Variants in CPQ observed in about 807,000 individuals in gnomAD.
CPQ encodes carboxypeptidase Q.
CPQ carries 37 observed loss-of-function variants against 45.7 expected under a neutral mutation model. The ratio of observed to expected loss-of-function variants is 0.81; its 90% CI spans 0.62 to 1.07. The LOEUF (loss-of-function observed/expected upper bound fraction) is 1.07, where lower values mean the gene tolerates loss of function less well. CPQ is among the 50% of genes least tolerant of loss of function. CPQ has a pLI of 0.00. For missense variants in CPQ, 537 were observed against 572.9 expected (o/e 0.94, Z 0.64); for synonymous variants, 186 against 205.8 (o/e 0.90, Z 0.82).
At chr8:96,875,379 C>T (rs1213156209) in intron 3 of CPQ, among the ~76,000 whole-genome samples, 2 of 151,750 alleles carry the variant, frequency 1.3e-5, no homozygotes, top group African/African-American at 4.8e-5. Flanking sequence ...TTGGTGTTGT[C>T]TCTAAGAAAC....
At chr8:97,098,157 C>T (rs992407858) in intron 7 of CPQ, among the ~76,000 whole-genome samples, 2 of 152,170 alleles carry the variant, frequency 1.3e-5, no homozygotes, top group Non-Finnish European at 2.9e-5. Flanking sequence ...ATGCAGTCTT[C>T]CCAACTTTAC....
chr8:96,727,033 A>G (rs1809852605), intron 1 of CPQ, among the ~76,000 whole-genome samples: 1 of 152,166 alleles, frequency 6.6e-6, no homozygotes, highest in Non-Finnish European at 1.5e-5. Context: ...TTGATGGGAA[A>G]TTGGGTTATT....
At chr8:96,810,646 G>A (rs190591652) in intron 2 of CPQ, among the ~76,000 whole-genome samples, 81 of 152,278 alleles carry the variant, frequency 5.3e-4, no homozygotes, top group African/African-American at 1.9e-3. Flanking sequence ...ATATAGCAAT[G>A]TAAACCAAAC....
In CPQ at chr8:96,720,133, A is replaced by G. The variant is rs556653591; in HGVS notation, c.-34-64731A>G. Among the ~76,000 whole-genome samples, 21 of 152,350 alleles carry G rather than the reference A, an allele frequency of 1.4e-4. No individual in the cohort carries two copies. The South Asian group carries it at 3.9e-3, about 29-fold the overall frequency. On this transcript the variant is annotated intron_variant, in intron 1 of 7. Transcript: ENST00000220763. ...TCTGCCATCTTGGAAAAAAATGTAC[A>G]TATATCAAGACGATATTTTCATTTC...
At chr8:96,914,657 A>G (rs1812708624) in intron 4 of CPQ, among the ~76,000 whole-genome samples, 1 of 152,066 alleles carries the variant, frequency 6.6e-6, no homozygotes, top group Admixed American at 6.6e-5. Context: ...GGGATGATTT[A>G]TTTTAAAATT....
chr8:96,674,988 C>A, intron 1 of CPQ, among the ~76,000 whole-genome samples: 1 of 152,022 alleles, frequency 6.6e-6, no homozygotes, highest in East Asian at 1.9e-4. Flanking sequence ...TGGAACAAAA[C>A]AAGAATATCC....
chr8:96,894,956 C>T (rs777635431), intron 4 of CPQ, among the ~76,000 whole-genome samples: 23 of 152,158 alleles, frequency 1.5e-4, no homozygotes, highest in African/African-American at 5.3e-4. Flanking sequence ...ATCATGCTAA[C>T]CAACTGAATT....
intron 1 of CPQ, among the ~76,000 whole-genome samples, chr8:96,723,853 G>C (rs1393887520): frequency 6.6e-6 from 1 of 152,038 alleles, no homozygotes; most frequent in Non-Finnish European, 1.5e-5. Flanking sequence ...TTATTCCCAA[G>C]AGACCTCTTA....
intron 3 of CPQ, among the ~76,000 whole-genome samples, chr8:96,853,306 A>T (rs1000371231): frequency 6.6e-6 from 1 of 152,238 alleles, no homozygotes; most frequent in Non-Finnish European, 1.5e-5. Context: ...ACAGGCTCTA[A>T]TCTATGAATC....
chr8:96,996,248 G>C (rs1242545917), intron 5 of CPQ, among the ~76,000 whole-genome samples: 1 of 152,012 alleles, frequency 6.6e-6, no homozygotes, highest in Non-Finnish European at 1.5e-5. Context: ...AATGAGAAGA[G>C]AGAACATATA....
intron 3 of CPQ, among the ~76,000 whole-genome samples, 162 bp downstream of exon 3, chr8:96,835,342 G>T (rs1280210712): frequency 1.3e-5 from 2 of 152,178 alleles, no homozygotes; most frequent in Non-Finnish European, 2.9e-5. Context: ...TCATTTGTTT[G>T]TAATATCTTC....
chr8:96,744,258 A>C (rs200015944), intron 1 of CPQ, among the ~76,000 whole-genome samples: 2 of 151,826 alleles, frequency 1.3e-5, no homozygotes, highest in South Asian at 2.1e-4. Context: ...GTCTGTCACC[A>C]CTTTCTTTGA....
At chr8:96,969,911 G>A (rs1474548960) in intron 5 of CPQ, among the ~76,000 whole-genome samples, 1 of 152,324 alleles carries the variant, frequency 6.6e-6, no homozygotes, top group East Asian at 1.9e-4. Flanking sequence ...AAACAACACA[G>A]CAGAGGTAAG....
At chr8:97,035,639 A>G (rs1017519440) in intron 6 of CPQ, among the ~76,000 whole-genome samples, 1 of 152,154 alleles carries the variant, frequency 6.6e-6, no homozygotes, top group Non-Finnish European at 1.5e-5. Flanking sequence ...CCTAATGGCC[A>G]CTATTCTTTT....
chr8:97,072,068 A>G (rs1197794478), intron 7 of CPQ, among the ~76,000 whole-genome samples: 1 of 152,158 alleles, frequency 6.6e-6, no homozygotes, highest in Non-Finnish European at 1.5e-5. Context: ...CTTAAACTCC[A>G]TATTATTGGC....
chr8:96,993,465 A>G (rs942893631), intron 5 of CPQ, among the ~76,000 whole-genome samples: 1 of 152,146 alleles, frequency 6.6e-6, no homozygotes, highest in Non-Finnish European at 1.5e-5. Flanking sequence ...GTAAATTTTA[A>G]AAGCATTATT....
At chr8:96,676,444 C>T (rs567908405) in intron 1 of CPQ, among the ~76,000 whole-genome samples, 4 of 151,974 alleles carry the variant, frequency 2.6e-5, no homozygotes, top group South Asian at 2.1e-4. Flanking sequence ...CTTAACATAA[C>T]GACCTCCATT....
intron 1 of CPQ, among the ~76,000 whole-genome samples, chr8:96,687,373 T>C (rs1273377344): frequency 2.0e-5 from 3 of 151,860 alleles, no homozygotes; most frequent in South Asian, 4.1e-4. Flanking sequence ...CCACCACTCC[T>C]GGCTAATTTT....
intron 1 of CPQ, among the ~76,000 whole-genome samples, chr8:96,680,938 T>G (rs1019436473): frequency 1.3e-5 from 2 of 151,998 alleles, no homozygotes; most frequent in African/African-American, 2.4e-5. Context: ...GCCCGAGAGA[T>G]CTGTGGAACT....
Sources: allele counts gnomAD v4.1 joint callset (sites outside exome capture counted in the v4.1 genomes callset), GRCh38; gene constraint gnomAD v4.1.1; transcripts MANE v1.5; gene names NCBI Gene and HGNC (gene_info 2026-07-23, HGNC 2026-07-21).